TLN2: variants seen among roughly 807,000 people sequenced by gnomAD.
The protein encoded by TLN2 is talin-2.
Under a neutral mutation model 294.7 loss-of-function variants are expected in TLN2, and 118 were observed. The ratio of observed to expected loss-of-function variants is 0.40; its 90% CI spans 0.34 to 0.47. The LOEUF is 0.47. Among genes scored for constraint, TLN2 ranks in the 20% least tolerant of loss-of-function variants. The pLI, the probability that TLN2 is intolerant of heterozygous loss-of-function variation, is 0.84. For synonymous variants in TLN2, 1,431 were observed against 1,304.5 expected (o/e 1.10, Z -2.09); for missense variants, 3,083 against 3,282.2 (o/e 0.94, Z 1.48).
intron 5 of TLN2, 132 bp from the exon 6 acceptor site, chr15:62,651,873 G>A (rs1315568003): frequency 3.6e-6 from 4 of 1,111,676 alleles, no homozygotes; most frequent in Non-Finnish European, 4.9e-6. Flanking sequence ...GGTTTTCAAA[G>A]ATGTTTTAGA....
chr15:62,575,340 A>C (rs1485726171), intron 1 of TLN2, among the ~76,000 whole-genome samples: 1 of 152,192 alleles, frequency 6.6e-6, no homozygotes, highest in Non-Finnish European at 1.5e-5. Context: ...CAAACAAAAA[A>C]ATTATTTTCA....
chr15:62,700,714 A>G (rs149193582), intron 16 of TLN2, among the ~76,000 whole-genome samples: 2 of 152,204 alleles, frequency 1.3e-5, no homozygotes, highest in African/African-American at 4.8e-5. Flanking sequence ...CTCACCCTGC[A>G]CCCTGCAAAG....
chr15:62,830,756 C>A (rs549723992), intron 54 of TLN2: 1 of 152,286 alleles, frequency 6.6e-6, no homozygotes, highest in African/African-American at 2.4e-5. Flanking sequence ...AGTCAGAAGG[C>A]AGGTTTCATC....
intron 3 of TLN2, among the ~76,000 whole-genome samples, chr15:62,636,083 A>C (rs550305655): frequency 6.6e-6 from 1 of 152,288 alleles, no homozygotes; most frequent in African/African-American, 2.4e-5. Flanking sequence ...GCGCGTAATC[A>C]CTTACATGTG....
chr15:62,402,605 T>A (rs1457618871), intron 1 of TLN2, among the ~76,000 whole-genome samples: 1 of 152,214 alleles, frequency 6.6e-6, no homozygotes, highest in African/African-American at 2.4e-5. Context: ...AGGCTGATGA[T>A]CCTGCCTAGA....
At chr15:62,790,268 A>C (rs1451624540) in intron 45 of TLN2, among the ~76,000 whole-genome samples, 1 of 152,242 alleles carries the variant, frequency 6.6e-6, no homozygotes. Flanking sequence ...ATAAAGGAAG[A>C]GTATACTAAT....
At chr15:62,764,995 G>A (rs2062907351) in intron 40 of TLN2, among the ~76,000 whole-genome samples, 1 of 140,692 alleles carries the variant, frequency 7.1e-6, no homozygotes, top group South Asian at 2.3e-4. Flanking sequence ...AAAAAAAGTA[G>A]CAAAGATGAC....
intron 3 of TLN2, among the ~76,000 whole-genome samples, chr15:62,630,629 A>G (rs189282231): frequency 2.0e-5 from 3 of 152,074 alleles, no homozygotes; most frequent in Admixed American, 2.0e-4. Flanking sequence ...GTATATCACA[A>G]CAAGATTTAA....
At chr15:62,673,054 T>C (rs1191049217) in intron 9 of TLN2, among the ~76,000 whole-genome samples, 1 of 138,996 alleles carries the variant, frequency 7.2e-6, no homozygotes, top group Non-Finnish European at 1.6e-5. Flanking sequence ...TTATATATAA[T>C]GTAATATCCT....
At chr15:62,411,429 A>ATATGTGTG (rs763302513) in intron 1 of TLN2, among the ~76,000 whole-genome samples, 5 of 136,686 alleles carry the variant, frequency 3.7e-5, no homozygotes, top group Admixed American at 2.9e-4. Context: ...TGAGTAATGG[A>ATATGTGTG]TGTGTGTGTG....
In TLN2 at chr15:62,697,819, A is replaced by T; in HGVS notation, c.1424A>T (p.Gln475Leu). 1 of 1,613,084 alleles carries T rather than the reference A, an allele frequency of 6.2e-7. No homozygotes were observed. The highest frequency in any genetic ancestry group is 8.5e-7 in the Non-Finnish European group (1 of 1,179,884). Residue 475 changes from glutamine to leucine, a missense_variant, in exon 15 of 59, where the codon CAG becomes CTG. Gln to Leu is a moderately radical substitution (Grantham distance 113). Transcript: ENST00000636159. ...TFNVGSMPSP[Q>L]QQVMVGQMHR... ...AACGTTGGCAGCATGCCCTCGCCAC[A>T]GCAGCAGGTCATGGTTGGGCAGATG...
chr15:62,693,000 C>A, intron 13 of TLN2, 59 bp downstream of exon 13: 1 of 1,435,992 alleles, frequency 7.0e-7, no homozygotes, highest in South Asian at 1.2e-5. Flanking sequence ...GGCTTGGTTT[C>A]GATGACGTGG....
rs539594507 is a variant in TLN2, at chr15:62,745,990, C to T, written c.4026-2361C>T. On this transcript the variant is annotated intron_variant, in intron 32 of 58. Transcript: ENST00000636159. ...GATTACCCAACCACAAACCCTTAGT[C>T]TGTTGGTTTTTGTCCCAAGTTTTTA... Among the ~76,000 whole-genome samples the T allele has an allele frequency of 5.9e-5, 9 of 152,276 alleles. No individual in the cohort carries two copies. In the East Asian group the frequency reaches 1.7e-3, roughly 29 times the overall value.
chr15:62,781,826 T>C (rs2064198786), intron 44 of TLN2, among the ~76,000 whole-genome samples: 1 of 152,150 alleles, frequency 6.6e-6, no homozygotes, highest in Non-Finnish European at 1.5e-5. Flanking sequence ...GTTTTTGTTG[T>C]TTTGTTTGTT....
At chr15:62,430,528 G>A (rs1385322164) in intron 1 of TLN2, among the ~76,000 whole-genome samples, 1 of 152,168 alleles carries the variant, frequency 6.6e-6, no homozygotes, top group African/African-American at 2.4e-5. Context: ...GGAGGAGGTA[G>A]CACTTGTTTG....
chr15:62,463,906 CAAAT>C (rs755266999), intron 1 of TLN2, among the ~76,000 whole-genome samples: 25 of 152,118 alleles, frequency 1.6e-4, no homozygotes, highest in East Asian at 3.9e-4. Context: ...AACAAACAAA[CAAAT>C]AAAAACCAGG....
At chr15:62,454,064 C>T (rs182477434) in intron 1 of TLN2, among the ~76,000 whole-genome samples, 50 of 152,288 alleles carry the variant, frequency 3.3e-4, no homozygotes, top group Admixed American at 2.5e-3. Flanking sequence ...TCAGAGGAGA[C>T]GGGCACACGC....
intron 58 of TLN2, 145 bp from the exon 59 acceptor site, chr15:62,840,337 T>C (rs1250414172): frequency 1.3e-5 from 15 of 1,187,742 alleles, no homozygotes; most frequent in African/African-American, 1.5e-5. Context: ...TGACAGAGGC[T>C]GGTCGCCAGA....
chr15:62,495,302 T>G (rs2038960294), intron 1 of TLN2, among the ~76,000 whole-genome samples: 1 of 152,340 alleles, frequency 6.6e-6, no homozygotes, highest in South Asian at 2.1e-4. Flanking sequence ...TTTTTGTTTT[T>G]GTTTTGAGTG....
Sources: allele counts gnomAD v4.1 joint callset (sites outside exome capture counted in the v4.1 genomes callset), GRCh38; gene constraint gnomAD v4.1.1; transcripts MANE v1.5; gene names NCBI Gene and HGNC (gene_info 2026-07-23, HGNC 2026-07-21).